Variants in RASAL2 observed in about 807,000 individuals in gnomAD.
The protein encoded by RASAL2 is ras GTPase-activating protein nGAP.
RASAL2 carries 58 observed loss-of-function variants against 128.9 expected under a neutral mutation model. The observed-to-expected ratio is 0.45, with a 90% confidence interval of 0.36 to 0.56. The LOEUF (loss-of-function observed/expected upper bound fraction) is 0.56, where lower values mean the gene tolerates loss of function less well. Among genes scored for constraint, RASAL2 ranks in the 20% least tolerant of loss-of-function variants. The probability of loss-of-function intolerance (pLI) is 0.00; values close to 1 mark genes in which losing one functional copy is unlikely to be tolerated. For missense variants in RASAL2, 1,360 were observed against 1,601.6 expected, an observed-to-expected ratio of 0.85 and a Z score of 2.57; for synonymous variants, 561 against 580.8, an observed-to-expected ratio of 0.97 and a Z score of 0.49.
intron 3 of RASAL2, among the ~76,000 whole-genome samples, chr1:178,309,820 T>G (rs997070933): frequency 6.6e-6 from 1 of 152,146 alleles, no homozygotes; most frequent in African/African-American, 2.4e-5. Context: ...AGTTTCCTTG[T>G]GGTAGAGGGC....
intron 14 of RASAL2, among the ~76,000 whole-genome samples, chr1:178,461,111 G>T (rs1165474376): frequency 6.6e-6 from 1 of 152,150 alleles, no homozygotes; most frequent in Non-Finnish European, 1.5e-5. Flanking sequence ...ACCGTGCCTG[G>T]CCTAGTTTTT....
chr1:178,440,154 A>G (rs1456284797), intron 6 of RASAL2, among the ~76,000 whole-genome samples: 1 of 152,062 alleles, frequency 6.6e-6, no homozygotes, highest in African/African-American at 2.4e-5. Flanking sequence ...CCTTCCAAAT[A>G]TGTACTACTA....
intron 4 of RASAL2, among the ~76,000 whole-genome samples, chr1:178,399,262 C>A (rs1673459069): frequency 6.6e-6 from 1 of 152,016 alleles, no homozygotes; most frequent in Non-Finnish European, 1.5e-5. Flanking sequence ...GATTAGACAG[C>A]ACAACCCATG....
rs535171785 is a variant in RASAL2, at chr1:178,286,676, T to C, written c.330+2985T>C. Among the ~76,000 whole-genome samples, 17 of 152,338 alleles carry C rather than the reference T, an allele frequency of 1.1e-4. No homozygotes were observed. The South Asian group carries it at 3.3e-3, about 30-fold the overall frequency. On this transcript the variant is annotated intron_variant, in intron 2 of 17. Coordinates refer to ENST00000367649, the MANE Select transcript of RASAL2 (RefSeq NM_170692.4). ...ATCCACCCGCCTCAGCCTCCCAAAG[T>C]GCTGGGATTATAGGCGTGGGCCACC... is the stretch of plus-strand genomic sequence containing the variant.
chr1:178,360,866 G>C (rs188313946), intron 3 of RASAL2, among the ~76,000 whole-genome samples: 206 of 152,270 alleles, frequency 1.4e-3, no homozygotes, highest in African/African-American at 4.8e-3. Context: ...GAAAATAATA[G>C]AGTTTTATCC....
intron 17 of RASAL2, 129 bp from the exon 18 acceptor site, chr1:178,472,946 C>T (rs1035575892): frequency 2.8e-5 from 29 of 1,033,926 alleles, no homozygotes; most frequent in South Asian, 1.9e-4. Flanking sequence ...GAGGCAGAGA[C>T]GTTCCATTTG....
At chr1:178,187,124 G>A (rs1451138825) in intron 1 of RASAL2, among the ~76,000 whole-genome samples, 2 of 151,894 alleles carry the variant, frequency 1.3e-5, no homozygotes, top group African/African-American at 2.4e-5. Context: ...CACTGCACCC[G>A]GCTTATTTCT....
At chr1:178,425,865 T>G (rs796412846) in intron 5 of RASAL2, among the ~76,000 whole-genome samples, 10 of 152,328 alleles carry the variant, frequency 6.6e-5, no homozygotes, top group African/African-American at 2.4e-4. Flanking sequence ...TACCTGGATA[T>G]ATTGGTGGGC....
Position 178,452,665 on chromosome 1 carries a change from G to A in RASAL2, c.2009+13G>A, listed in dbSNP as rs1677464598. 1 of 1,585,150 alleles carries A rather than the reference G, an allele frequency of 6.3e-7. No individual in the cohort carries two copies. The highest frequency in any genetic ancestry group is 8.7e-7 in the Non-Finnish European group (1 of 1,154,344). ...CCAACTTTGCCAAGTAGGTGATACT[G>A]TTGTAACCACTTTAAAAACACAGTT... On this transcript the variant is annotated intron_variant, in intron 11 of 17. Transcript: ENST00000367649.
intron 3 of RASAL2, among the ~76,000 whole-genome samples, chr1:178,381,397 G>A (rs182274623): frequency 1.1e-4 from 17 of 152,246 alleles, no homozygotes; most frequent in Admixed American, 9.8e-4. Flanking sequence ...CAGCCATTTC[G>A]AAGAGATACT....
chr1:178,232,947 T>G (rs1288737072), intron 1 of RASAL2, among the ~76,000 whole-genome samples: 2 of 152,164 alleles, frequency 1.3e-5, no homozygotes, highest in Non-Finnish European at 2.9e-5. Flanking sequence ...TTTATTTCAC[T>G]TAAAAAAATC....
intron 3 of RASAL2, among the ~76,000 whole-genome samples, chr1:178,368,701 A>G (rs1333017366): frequency 1.3e-5 from 2 of 151,732 alleles, no homozygotes; most frequent in Non-Finnish European, 2.9e-5. Context: ...ACAGTGGCAC[A>G]GTCATAGCTC....
intron 4 of RASAL2, among the ~76,000 whole-genome samples, chr1:178,416,643 G>T (rs998071667): frequency 9.9e-5 from 15 of 151,980 alleles, no homozygotes; most frequent in Non-Finnish European, 8.8e-5. Flanking sequence ...TTGCAATGCT[G>T]GTCTACTGGC....
chr1:178,438,865 A>G (rs1676426465), intron 5 of RASAL2, among the ~76,000 whole-genome samples: 1 of 145,288 alleles, frequency 6.9e-6, no homozygotes, highest in African/African-American at 2.5e-5. Context: ...TTGTGATAAA[A>G]AGTTGAGCTT....
intron 1 of RASAL2, among the ~76,000 whole-genome samples, chr1:178,231,329 A>AT (rs1664000534): frequency 6.6e-6 from 1 of 151,954 alleles, no homozygotes; most frequent in African/African-American, 2.4e-5. Flanking sequence ...GGCCTTTAAT[A>AT]TTTTTTTGTG....
At chr1:178,184,240 A>G (rs1410050485) in intron 1 of RASAL2, among the ~76,000 whole-genome samples, 1 of 152,074 alleles carries the variant, frequency 6.6e-6, no homozygotes, top group Non-Finnish European at 1.5e-5. Flanking sequence ...ATTTTCTTCC[A>G]GTTTATATCT....
At chr1:178,440,626 T>G (rs965488623) in intron 6 of RASAL2, among the ~76,000 whole-genome samples, 4 of 152,150 alleles carry the variant, frequency 2.6e-5, no homozygotes, top group African/African-American at 9.7e-5. Flanking sequence ...TTTATTGGTG[T>G]TCTTTTTTAT....
intron 1 of RASAL2, among the ~76,000 whole-genome samples, chr1:178,194,113 A>G (rs1289692235): frequency 6.6e-6 from 1 of 152,192 alleles, no homozygotes; most frequent in Non-Finnish European, 1.5e-5. Flanking sequence ...ATAGAAACAT[A>G]CATCATGAGA....
chr1:178,269,315 C>T (rs976377971), intron 1 of RASAL2, among the ~76,000 whole-genome samples: 6 of 152,252 alleles, frequency 3.9e-5, no homozygotes, highest in South Asian at 2.1e-4. Flanking sequence ...TAACTCACAC[C>T]GTCTATAATA....
Sources: gnomAD v4.1 joint callset for allele counts (sites outside exome capture counted in the v4.1 genomes callset) on GRCh38, gnomAD v4.1.1 for gene constraint, MANE v1.5 for transcripts, NCBI Gene and HGNC (gene_info 2026-07-23, HGNC 2026-07-21) for gene names.